AGO2: variants seen among roughly 807,000 people sequenced by gnomAD.
AGO2 encodes the protein protein argonaute-2.
Under a neutral mutation model 102.3 loss-of-function variants are expected in AGO2, and 5 were observed. The observed-to-expected ratio is 0.05, with a 90% CI of 0.03 to 0.10. AGO2 has a LOEUF of 0.10. Ranked by LOEUF, AGO2 falls within the 10% of genes least tolerant of loss-of-function variation. The pLI is 1.00. For missense variants in AGO2, 541 were observed against 1,183.7 expected, an observed-to-expected ratio of 0.46 and a Z score of 7.97; for synonymous variants, 449 against 473.1, an observed-to-expected ratio of 0.95 and a Z score of 0.66.
chr8:140,585,039 A>G, intron 2 of AGO2, 80 bp downstream of exon 2: 2 of 1,365,138 alleles, frequency 1.5e-6, no homozygotes, highest in South Asian at 3.3e-5. Flanking sequence ...TCTGCTGAGA[A>G]TTTCAGAGTT....
intron 1 of AGO2, among the ~76,000 whole-genome samples, chr8:140,619,123 C>A (rs1175380179): frequency 6.6e-6 from 1 of 152,008 alleles, no homozygotes; most frequent in East Asian, 1.9e-4. Context: ...CAGAGGCTGC[C>A]ATGGAAGGAG....
At chr8:140,537,616 TTAG>T (rs1200931375) in intron 16 of AGO2, among the ~76,000 whole-genome samples, 4 of 152,080 alleles carry the variant, frequency 2.6e-5, no homozygotes, top group African/African-American at 4.8e-5. Flanking sequence ...TTTTTTTTCC[TTAG>T]TTTTTCATTT....
In AGO2 at chr8:140,552,738, GCGCACACACA is replaced by G. The variant is rs1372523763; in HGVS notation, c.1270-1312_1270-1303del. On this transcript the variant is annotated intron_variant, in intron 10 of 18. Coordinates refer to ENST00000220592, the MANE Select transcript of AGO2 (RefSeq NM_012154.5). ...AACACACGCACATGCACGCGCGCGCGCGCACACACACACACACACACACACACACACACAC... is the reference window on the plus strand; with the variant it reads ...AACACACGCACATGCACGCGCGCGCGCACACACACACACACACACACACAC... Among the ~76,000 whole-genome samples, 377 of 97,404 alleles carry G rather than the reference GCGCACACACA, an allele frequency of 3.9e-3. 3 individuals carry two copies. Among genetic ancestry groups the G allele is most frequent in the African/African-American group, 0.016 (329 of 20,490 alleles). 63.9% of individuals were successfully genotyped at this position (97,404 alleles called of 152,430 possible).
chr8:140,617,291 C>G (rs1292586276), intron 1 of AGO2, among the ~76,000 whole-genome samples: 1 of 152,018 alleles, frequency 6.6e-6, no homozygotes, highest in African/African-American at 2.4e-5. Context: ...TGGAGTCTCG[C>G]TCTGTCGCCC....
chr8:140,539,291 C>T lies in AGO2; in HGVS notation c.2169+29G>A. ...TGTGGGGCTGAGGGGAGAACCGTGC[C>T]CCCTGCCTGGAGTCATGCAGAAACT... is the stretch of plus-strand genomic sequence containing the variant. On this transcript the variant is annotated intron_variant, in intron 16 of 18. Coordinates refer to ENST00000220592, the MANE Select transcript of AGO2 (RefSeq NM_012154.5). The surrounding 1 kb of genome is among the most constrained non-coding windows in gnomAD (Gnocchi z 4.7). The T allele has an allele frequency of 6.3e-7, 1 of 1,581,352 alleles. No individual in the cohort carries two copies. The highest frequency in any genetic ancestry group is 2.2e-5 in the East Asian group (1 of 44,470).
upstream of AGO2, among the ~76,000 whole-genome samples, chr8:140,638,516 G>A (rs1353906604): frequency 2.0e-5 from 3 of 152,216 alleles, no homozygotes; most frequent in East Asian, 5.8e-4. Context: ...GTTCCGTGGA[G>A]CATAATTTAG....
intron 14 of AGO2, among the ~76,000 whole-genome samples, chr8:140,542,201 G>A (rs762517409): frequency 6.6e-6 from 1 of 152,140 alleles, no homozygotes; most frequent in East Asian, 1.9e-4. Flanking sequence ...GAGGGAACCG[G>A]GTAGATCCCC....
chr8:140,593,590 T>C (rs1403081195), intron 1 of AGO2, among the ~76,000 whole-genome samples: 1 of 149,670 alleles, frequency 6.7e-6, no homozygotes, highest in African/African-American at 2.5e-5. Context: ...CCTTTTACAG[T>C]AACTGATTCA....
intron 3 of AGO2, among the ~76,000 whole-genome samples, chr8:140,566,954 C>G (rs542767908): frequency 6.6e-6 from 1 of 152,304 alleles, no homozygotes; most frequent in East Asian, 1.9e-4. Flanking sequence ...GCATTTCCAG[C>G]TCACACACGC....
intron 2 of AGO2, among the ~76,000 whole-genome samples, chr8:140,576,796 C>T (rs1210928082): frequency 6.6e-6 from 1 of 152,200 alleles, no homozygotes; most frequent in African/African-American, 2.4e-5. Context: ...CAGCTCCAGA[C>T]TGGAAACAAT....
chr8:140,606,360 T>C (rs1290466745), intron 1 of AGO2, among the ~76,000 whole-genome samples: 1 of 152,242 alleles, frequency 6.6e-6, no homozygotes, highest in Non-Finnish European at 1.5e-5. Context: ...TGGCAGTTCT[T>C]GGAAACAGCA....
intron 10 of AGO2, among the ~76,000 whole-genome samples, chr8:140,552,257 G>C (rs559009280): frequency 6.6e-6 from 1 of 152,220 alleles, no homozygotes; most frequent in South Asian, 2.1e-4. Context: ...TCGGAAACGG[G>C]AGCTACTTCC....
chr8:140,547,655 T>C, intron 12 of AGO2, 28 bp from the exon 13 acceptor site: 1 of 1,591,968 alleles, frequency 6.3e-7, no homozygotes, highest in Non-Finnish European at 8.6e-7. Context: ...CACACACAGC[T>C]CTGCCGGCGC....
chr8:140,584,126 A>G (rs1207962771), intron 2 of AGO2, among the ~76,000 whole-genome samples: 4 of 145,424 alleles, frequency 2.8e-5, no homozygotes, highest in Non-Finnish European at 6.1e-5. Flanking sequence ...CAAAAAGACA[A>G]GAAACTCAGT....
At chr8:140,545,838 A>G (rs2072890007) in intron 13 of AGO2, among the ~76,000 whole-genome samples, 1 of 152,220 alleles carries the variant, frequency 6.6e-6, no homozygotes, top group Non-Finnish European at 1.5e-5. Context: ...TCACGGAGCC[A>G]GAGGTGGCCA....
rs888884437 is a variant in AGO2, at chr8:140,581,301, C to T, written c.215+3818G>A. Among the ~76,000 whole-genome samples, 24 of 152,244 alleles carry T rather than the reference C, an allele frequency of 1.6e-4. 1 individual carries two copies. The highest frequency in any genetic ancestry group is 6.8e-3 in the Middle Eastern group (2 of 294). Reference sequence around the variant, plus strand: ...AGGCCAAGGCAGGCAGATCACAAGACGCCAGGAGTTTGAGACCAGCCTGAG... The same window carrying T: ...AGGCCAAGGCAGGCAGATCACAAGATGCCAGGAGTTTGAGACCAGCCTGAG... On this transcript the variant is annotated intron_variant, in intron 2 of 18. Transcript: ENST00000220592.
At chr8:140,577,457 T>A (rs2073485020) in intron 2 of AGO2, among the ~76,000 whole-genome samples, 1 of 152,244 alleles carries the variant, frequency 6.6e-6, no homozygotes, top group South Asian at 2.1e-4. Context: ...AGTGTATACC[T>A]TTTTTAAAGA....
intron 1 of AGO2, among the ~76,000 whole-genome samples, chr8:140,628,240 ACC>A (rs980290042): frequency 6.6e-6 from 1 of 152,146 alleles, no homozygotes; most frequent in African/African-American, 2.4e-5. Flanking sequence ...GCCTGCCCTG[ACC>A]CACTGCCTTA....
At chr8:140,545,853 G>A (rs1313335361) in intron 13 of AGO2, among the ~76,000 whole-genome samples, 1 of 152,226 alleles carries the variant, frequency 6.6e-6, no homozygotes, top group Non-Finnish European at 1.5e-5. Flanking sequence ...TGGCCACACT[G>A]TCGGGTGCCT....
Sources: gnomAD v4.1 joint callset for allele counts (sites outside exome capture counted in the v4.1 genomes callset) on GRCh38, gnomAD v4.1.1 for gene constraint, Gnocchi (gnomAD v3.1) non-coding constraint, MANE v1.5 for transcripts, NCBI Gene and HGNC (gene_info 2026-07-23, HGNC 2026-07-21) for gene names.